The following ST7L variants were observed in gnomAD, a reference collection of about 807,000 sequenced individuals.
ST7L encodes suppressor of tumorigenicity 7 protein-like.
ST7L carries 57 observed loss-of-function variants against 72.5 expected under a neutral mutation model. The observed-to-expected ratio is 0.79, with a 90% CI of 0.64 to 0.98. The LOEUF (loss-of-function observed/expected upper bound fraction) is 0.98, where lower values mean the gene tolerates loss of function less well. Among genes scored for constraint, ST7L ranks in the 50% least tolerant of loss-of-function variants. The pLI is 0.00. For missense variants in ST7L, 576 were observed against 672.2 expected (o/e 0.86, Z 1.58); for synonymous variants, 221 against 240.9 (o/e 0.92, Z 0.77).
At chr1:112,538,565 G>C (rs1162443316) in intron 14 of ST7L, among the ~76,000 whole-genome samples, 1 of 152,156 alleles carries the variant, frequency 6.6e-6, no homozygotes, top group Non-Finnish European at 1.5e-5. Context: ...GGCTGGTCAT[G>C]AACTCCTGAG....
intron 8 of ST7L, 94 bp from the exon 9 acceptor site, chr1:112,582,200 CCATAGCTGTG>C (rs1664229418): frequency 9.6e-7 from 1 of 1,046,106 alleles, no homozygotes; most frequent in Non-Finnish European, 1.4e-6. Context: ...TTGTTTCTTA[CCATAGCTGTG>C]AAGAAGACCT....
intron 2 of ST7L, 52 bp downstream of exon 2, chr1:112,616,761 A>T (rs532460376): frequency 2.9e-4 from 389 of 1,356,930 alleles, no homozygotes; most frequent in Non-Finnish European, 3.4e-4. Context: ...AAAAAAAAAA[A>T]TATCTTTAGA....
intron 2 of ST7L, among the ~76,000 whole-genome samples, chr1:112,616,451 A>G (rs756733464): frequency 1.3e-5 from 2 of 152,150 alleles, no homozygotes; most frequent in African/African-American, 2.4e-5. Flanking sequence ...TAACCATATA[A>G]AGGATCTTTA....
At chr1:112,542,799 T>G (rs982266708) in intron 13 of ST7L, among the ~76,000 whole-genome samples, 1 of 151,580 alleles carries the variant, frequency 6.6e-6, no homozygotes, top group African/African-American at 2.4e-5. Context: ...ACATTTGAGT[T>G]GCTACTTTTT....
At chr1:112,603,756 A>G (rs183658711) in intron 3 of ST7L, among the ~76,000 whole-genome samples, 2 of 152,366 alleles carry the variant, frequency 1.3e-5, no homozygotes, top group East Asian at 3.9e-4. Flanking sequence ...GCAGGGTACC[A>G]GCACAGCTGA....
intron 9 of ST7L, among the ~76,000 whole-genome samples, chr1:112,578,875 T>G (rs1663590774): frequency 6.6e-6 from 1 of 152,148 alleles, no homozygotes; most frequent in Non-Finnish European, 1.5e-5. Context: ...TGTTGAAAAA[T>G]CTATAATATA....
At chr1:112,598,697 T>C (rs1180307836) in intron 4 of ST7L, among the ~76,000 whole-genome samples, 2 of 151,318 alleles carry the variant, frequency 1.3e-5, no homozygotes, top group African/African-American at 4.9e-5. Flanking sequence ...TACCCAAAAG[T>C]TATACTTTAA....
chr1:112,594,112 T>C (rs1390743130), intron 5 of ST7L, among the ~76,000 whole-genome samples: 1 of 151,580 alleles, frequency 6.6e-6, no homozygotes, highest in Non-Finnish European at 1.5e-5. Context: ...CTATAACTGA[T>C]CTACCAAAGA....
chr1:112,600,913 T>A lies in ST7L; in HGVS notation c.452-65A>T, dbSNP rs1271203077. 57 of 1,419,882 alleles carry A rather than the reference T, an allele frequency of 4.0e-5. 1 individual carries two copies. The East Asian group carries it at 1.1e-3, about 28-fold the overall frequency. 88.0% of individuals were successfully genotyped at this position (1,419,882 alleles called of 1,614,324 possible). A position where few individuals can be genotyped will look rare whatever the true frequency, so the allele number is the denominator to read the frequency against. On this transcript the variant is annotated intron_variant, in intron 3 of 14. Coordinates refer to ENST00000358039, the MANE Select transcript of ST7L (RefSeq NM_017744.5). ...TTAAAATCTTCATTTAACCAATATC[T>A]ATTGTCTACCCACTGTAGGCTAATC... is the stretch of plus-strand genomic sequence containing the variant.
chr1:112,556,144 A>C, intron 11 of ST7L, 126 bp from the exon 12 acceptor site: 1 of 711,756 alleles, frequency 1.4e-6, no homozygotes, highest in Non-Finnish European at 2.0e-6. Flanking sequence ...TTTTTAAAAA[A>C]CTAACTGAAA....
intron 6 of ST7L, among the ~76,000 whole-genome samples, chr1:112,588,761 C>T (rs1159699650): frequency 6.6e-6 from 1 of 152,160 alleles, no homozygotes; most frequent in African/African-American, 2.4e-5. Flanking sequence ...GGGTGTATAA[C>T]ATTTTTAATA....
intron 11 of ST7L, among the ~76,000 whole-genome samples, chr1:112,557,839 C>T (rs1023718211): frequency 6.6e-6 from 1 of 152,104 alleles, no homozygotes; most frequent in Non-Finnish European, 1.5e-5. Context: ...ATTTAATGTG[C>T]CTGTTAAAGA....
chr1:112,590,745 TA>T (rs1007753119), intron 6 of ST7L, among the ~76,000 whole-genome samples: 4 of 152,094 alleles, frequency 2.6e-5, no homozygotes, highest in Non-Finnish European at 5.9e-5. Flanking sequence ...CAAAGAACTA[TA>T]AAAAAATGCT....
rs113945907 is a variant in ST7L, at chr1:112,525,913, T to A, written c.*100A>T. ...GCAAAATGCTTTAGCATATATGTAA[T>A]CCTCACAACAACCCTGTGAGGTAGG... is the stretch of plus-strand genomic sequence containing the variant. On this transcript the variant is annotated 3_prime_UTR_variant, in exon 15 of 15. Transcript: ENST00000358039. The A allele has an allele frequency of 2.0e-6, 3 of 1,510,494 alleles. No homozygotes were observed. In the African/African-American group the frequency reaches 4.1e-5, roughly 21 times the overall value. The allele number at this position is 1,510,494 out of a possible 1,614,324, so 93.6% of individuals were successfully genotyped here.
At chr1:112,592,382 A>C (rs1665848665) in intron 5 of ST7L, among the ~76,000 whole-genome samples, 1 of 152,222 alleles carries the variant, frequency 6.6e-6, no homozygotes, top group South Asian at 2.1e-4. Flanking sequence ...AATGTGAAAA[A>C]TGTTTGAATT....
At chr1:112,611,888 G>A (rs1669110505) in intron 2 of ST7L, among the ~76,000 whole-genome samples, 1 of 146,322 alleles carries the variant, frequency 6.8e-6, no homozygotes, top group Non-Finnish European at 1.5e-5. Flanking sequence ...AGGATCTCTT[G>A]AGCCCAAGGA....
Position 112,525,955 on chromosome 1 carries a change from C to T in ST7L, c.*58G>A, listed in dbSNP as rs35147679. The T allele has an allele frequency of 0.22, 346,507 of 1,605,814 alleles. 40,886 individuals are homozygous for T. The highest frequency in any genetic ancestry group is 0.47 in the East Asian group (20,816 of 44,674). Reference sequence around the variant, plus strand: ...TGAGGTAGGGGTTACTGTCACTTTACAGATGCTGTTCAGAAAAATTTGGTG... The same window carrying T: ...TGAGGTAGGGGTTACTGTCACTTTATAGATGCTGTTCAGAAAAATTTGGTG... On this transcript the variant is annotated 3_prime_UTR_variant, in exon 15 of 15. Coordinates refer to ENST00000358039, the MANE Select transcript of ST7L (RefSeq NM_017744.5).
At chr1:112,570,845 G>T in intron 11 of ST7L, 1 of 442,870 alleles carries the variant, frequency 2.3e-6, no homozygotes, top group Non-Finnish European at 4.5e-6. Flanking sequence ...ATTCAGGTTG[G>T]TGAAGTTTAA....
intron 14 of ST7L, among the ~76,000 whole-genome samples, chr1:112,532,087 C>T (rs1169412282): frequency 6.6e-6 from 1 of 152,150 alleles, no homozygotes; most frequent in Non-Finnish European, 1.5e-5. Context: ...ATTAGAATCC[C>T]TGGGCTCGCA....
Sources: allele counts gnomAD v4.1 joint callset (sites outside exome capture counted in the v4.1 genomes callset), GRCh38; gene constraint gnomAD v4.1.1; transcripts MANE v1.5; gene names NCBI Gene and HGNC (gene_info 2026-07-23, HGNC 2026-07-21).